The following LAPTM5 variants were observed in gnomAD, a reference collection of about 807,000 sequenced individuals.
LAPTM5 encodes the protein lysosomal protein transmembrane 5.
In LAPTM5, 11 loss-of-function variants were observed where a neutral mutation model predicts 30.1. That is an observed-to-expected ratio of 0.37 (90% CI 0.23 to 0.60). The LOEUF is 0.60. LAPTM5 is among the 20% of genes least tolerant of loss of function. LAPTM5 has a pLI of 0.71. For missense variants in LAPTM5, 324 were observed against 332.5 expected (o/e 0.97, Z 0.20); for synonymous variants, 151 against 137.9 (o/e 1.10, Z -0.67).
intron 1 of LAPTM5, among the ~76,000 whole-genome samples, chr1:30,754,250 G>A (rs1319147447): frequency 1.3e-5 from 2 of 152,172 alleles, no homozygotes; most frequent in Non-Finnish European, 1.5e-5. Flanking sequence ...AATTTCTCTA[G>A]ACTGGGCTCG....
Position 30,739,707 on chromosome 1 carries a change from C to A in LAPTM5, c.387+102G>T. On this transcript the variant is annotated intron_variant, in intron 4 of 7. Coordinates refer to ENST00000294507, the MANE Select transcript of LAPTM5 (RefSeq NM_006762.3). The surrounding 1 kb of genome is among the most constrained non-coding windows in gnomAD (Gnocchi z 4.2). ...ACACCAGCCAGGAAGAGGGCTCCTACCCTCCCCAGCCTGAGCACAGGGCCC... is the reference window on the plus strand; with the variant it reads ...ACACCAGCCAGGAAGAGGGCTCCTAACCTCCCCAGCCTGAGCACAGGGCCC... 2 of 1,369,178 alleles carry A rather than the reference C, an allele frequency of 1.5e-6. No individual in the cohort carries two copies. The highest frequency in any genetic ancestry group is 1.9e-6 in the Non-Finnish European group (2 of 1,034,164). 84.8% of individuals were successfully genotyped at this position (1,369,178 alleles called of 1,614,324 possible).
At chr1:30,736,582 C>T (rs979531952) in intron 6 of LAPTM5, among the ~76,000 whole-genome samples, 5 of 151,894 alleles carry the variant, frequency 3.3e-5, no homozygotes, top group East Asian at 3.9e-4. Flanking sequence ...TACAGGCACA[C>T]GCCACCACAT....
At chr1:30,756,440 C>T (rs1012551037) in intron 1 of LAPTM5, among the ~76,000 whole-genome samples, 3 of 152,188 alleles carry the variant, frequency 2.0e-5, no homozygotes, top group Admixed American at 1.3e-4. Context: ...GTATCAACTC[C>T]CTGAGCCTCA....
At chr1:30,738,372 A>T (rs965925066) in intron 5 of LAPTM5, among the ~76,000 whole-genome samples, 1 of 152,148 alleles carries the variant, frequency 6.6e-6, no homozygotes, top group Non-Finnish European at 1.5e-5. Flanking sequence ...CAGCACTACT[A>T]CAAGTCCACA....
chr1:30,735,618 T>C (rs1639874461), intron 6 of LAPTM5, among the ~76,000 whole-genome samples: 1 of 152,242 alleles, frequency 6.6e-6, no homozygotes, highest in African/African-American at 2.4e-5. Context: ...ACAGAGCTGA[T>C]GGTGGGACAT....
At chr1:30,742,098 CAG>C in intron 2 of LAPTM5, 2 of 378,698 alleles carry the variant, frequency 5.3e-6, no homozygotes, top group Non-Finnish European at 9.8e-6. Context: ...GAGATGCTGT[CAG>C]AGAGGTGGGC....
intron 1 of LAPTM5, among the ~76,000 whole-genome samples, chr1:30,744,359 C>T (rs766591809): frequency 3.2e-4 from 49 of 152,170 alleles, no homozygotes; most frequent in Middle Eastern, 3.4e-3. Flanking sequence ...TCACCTTGAA[C>T]GAGAGAAAGA....
chr1:30,735,124 G>T, intron 7 of LAPTM5, 49 bp downstream of exon 7: 1 of 1,343,714 alleles, frequency 7.4e-7, no homozygotes, highest in Non-Finnish European at 1.1e-6. Flanking sequence ...GACCCAAATG[G>T]CACAGGGAGT....
chr1:30,734,029 C>T, intron 7 of LAPTM5, 112 bp from the exon 8 acceptor site: 2 of 1,167,422 alleles, frequency 1.7e-6, no homozygotes, highest in South Asian at 1.4e-5. Context: ...ATGATAATGA[C>T]TGGCAGGTCT....
intron 6 of LAPTM5, among the ~76,000 whole-genome samples, chr1:30,737,374 T>C (rs1052989104): frequency 6.6e-6 from 1 of 151,992 alleles, no homozygotes. Flanking sequence ...GAATTAGACA[T>C]CTGAACGCAG....
At chr1:30,755,468 C>T (rs541280991) in intron 1 of LAPTM5, among the ~76,000 whole-genome samples, 2 of 152,182 alleles carry the variant, frequency 1.3e-5, no homozygotes, top group Admixed American at 6.5e-5. Context: ...CTGTAGAAGC[C>T]GAACACATAC....
chr1:30,749,932 T>C (rs1328033056), intron 1 of LAPTM5, among the ~76,000 whole-genome samples: 1 of 151,966 alleles, frequency 6.6e-6, no homozygotes, highest in Non-Finnish European at 1.5e-5. Flanking sequence ...GGGTGGGGCC[T>C]CTGGGGTTAG....
chr1:30,743,589 C>T (rs1249911509), intron 1 of LAPTM5, among the ~76,000 whole-genome samples: 1 of 152,170 alleles, frequency 6.6e-6, no homozygotes, highest in Non-Finnish European at 1.5e-5. Flanking sequence ...CACCCTTCCC[C>T]TATGACATAC....
intron 1 of LAPTM5, among the ~76,000 whole-genome samples, chr1:30,743,900 A>T (rs1487094773): frequency 2.0e-5 from 3 of 150,004 alleles, no homozygotes; most frequent in African/African-American, 7.4e-5. Flanking sequence ...CGGAAGAGTG[A>T]TGAAGAGCTG....
intron 1 of LAPTM5, among the ~76,000 whole-genome samples, chr1:30,753,080 C>A (rs2124200325): frequency 8.1e-6 from 1 of 123,918 alleles, no homozygotes; most frequent in African/African-American, 3.2e-5. Context: ...CCGCACCTGG[C>A]CGTACTTTTT....
intron 2 of LAPTM5, chr1:30,741,969 A>ATAC: frequency 2.5e-6 from 1 of 402,400 alleles, no homozygotes; most frequent in Admixed American, 4.1e-5. Context: ...AGCCAGGGTG[A>ATAC]GGCTGAGGAA....
At chr1:30,737,567 C>A in intron 6 of LAPTM5, 37 bp downstream of exon 6, 1 of 1,509,866 alleles carries the variant, frequency 6.6e-7, no homozygotes, top group Non-Finnish European at 9.2e-7. Context: ...ACAGCCTCAC[C>A]ACCCCTCCCA....
rs1639848317 is a variant in LAPTM5 at position 30,733,765 on chromosome 1, CA to C, written c.*62del. ...ACCCAGGCCACAGGGGCCACCAAAG[CA>C]AAAAAGCAGATTATGAGGCAGCTCC... is the stretch of plus-strand genomic sequence containing the variant. On this transcript the variant is annotated 3_prime_UTR_variant, in exon 8 of 8. Transcript: ENST00000294507. The C allele has an allele frequency of 1.3e-6, 2 of 1,555,658 alleles. No homozygotes were observed. The highest frequency in any genetic ancestry group is 8.6e-7 in the Non-Finnish European group (1 of 1,156,990).
intron 1 of LAPTM5, among the ~76,000 whole-genome samples, chr1:30,747,011 G>A (rs915939134): frequency 5.9e-5 from 9 of 152,118 alleles, no homozygotes; most frequent in African/African-American, 1.9e-4. Flanking sequence ...CTGGCGTGCC[G>A]GTGTCACAGT....
Sources: allele counts gnomAD v4.1 joint callset (sites outside exome capture counted in the v4.1 genomes callset), GRCh38; gene constraint gnomAD v4.1.1; non-coding constraint Gnocchi (gnomAD v3.1); transcripts MANE v1.5; gene names NCBI Gene and HGNC (gene_info 2026-07-23, HGNC 2026-07-21).